The following MCTP1 variants were observed in gnomAD, a reference collection of about 807,000 sequenced individuals.
MCTP1 encodes the protein multiple C2 and transmembrane domain-containing protein 1.
MCTP1 carries 69 observed loss-of-function variants against 120.6 expected under a neutral mutation model. That is an observed-to-expected ratio of 0.57 (90% CI 0.47 to 0.70). The LOEUF is 0.70. Ranked by LOEUF, MCTP1 falls within the 30% of genes least tolerant of loss-of-function variation. The pLI is 0.00. For missense variants in MCTP1, 1,203 were observed against 1,248.8 expected (o/e 0.96, Z 0.55); for synonymous variants, 529 against 493.1 (o/e 1.07, Z -0.96).
chr5:95,081,273 T>C (rs1754863155), intron 1 of MCTP1, among the ~76,000 whole-genome samples: 1 of 152,224 alleles, frequency 6.6e-6, no homozygotes, highest in Admixed American at 6.5e-5. Context: ...AAGTAGGTTA[T>C]ACTGTAAATT....
rs192418164 is a variant in MCTP1, at chr5:94,783,096, C to G, written c.2557-3933G>C. 2.8e-3 allele frequency among the ~76,000 whole-genome samples: 426 copies of G among 152,040 alleles called. 1 individual carries two copies. The highest frequency in any genetic ancestry group is 4.7e-3 in the Non-Finnish European group (321 of 67,946). ...GTCACAGACTTATGTGCCACACAGTCGAGGAAGGTCTTGAAAGAAACTGAT... is the reference window on the plus strand; with the variant it reads ...GTCACAGACTTATGTGCCACACAGTGGAGGAAGGTCTTGAAAGAAACTGAT... On this transcript the variant is annotated intron_variant, in intron 18 of 22. Coordinates refer to ENST00000515393, the MANE Select transcript of MCTP1 (RefSeq NM_024717.7).
At chr5:94,895,373 TCTC>T (rs1245019486) in intron 10 of MCTP1, among the ~76,000 whole-genome samples, 1 of 152,112 alleles carries the variant, frequency 6.6e-6, no homozygotes, top group Admixed American at 6.6e-5. Flanking sequence ...AACATATAAA[TCTC>T]CTGAAAACAT....
At chr5:94,928,243 C>T (rs1176682223) in intron 6 of MCTP1, among the ~76,000 whole-genome samples, 6 of 148,236 alleles carry the variant, frequency 4.0e-5, no homozygotes, top group African/African-American at 1.2e-4. Flanking sequence ...CACACACACA[C>T]GATGTAATGT....
chr5:95,275,243 A>T (rs949092013), intron 1 of MCTP1, among the ~76,000 whole-genome samples: 13 of 152,246 alleles, frequency 8.5e-5, no homozygotes, highest in Non-Finnish European at 1.9e-4. Context: ...TGATGCTTTT[A>T]AAAATATATT....
chr5:95,086,564 G>A (rs1188568665), intron 1 of MCTP1, among the ~76,000 whole-genome samples: 1 of 152,166 alleles, frequency 6.6e-6, no homozygotes, highest in East Asian at 1.9e-4. Context: ...GAACCTGTGA[G>A]ATATAGTAAG....
chr5:94,892,984 T>A (rs1803021052), intron 11 of MCTP1, among the ~76,000 whole-genome samples: 1 of 152,168 alleles, frequency 6.6e-6, no homozygotes, highest in Non-Finnish European at 1.5e-5. Flanking sequence ...AGCAGGTATG[T>A]CTCTAGAGGG....
At chr5:95,190,229 G>A (rs1019035593) in intron 1 of MCTP1, among the ~76,000 whole-genome samples, 5 of 152,078 alleles carry the variant, frequency 3.3e-5, no homozygotes, top group South Asian at 2.1e-4. Context: ...AACTGCCATG[G>A]AAATTCTGAT....
intron 19 of MCTP1, among the ~76,000 whole-genome samples, chr5:94,730,914 AACACACTCCACACAC>A (rs34824415): frequency 0.76 from 113,589 of 149,974 alleles, 43,156 homozygotes; most frequent in Middle Eastern, 0.82. Flanking sequence ...CAAAGAAACA[AACACACTCCACACAC>A]ACACACTCCA....
At chr5:95,259,651 C>T (rs1462031991) in intron 1 of MCTP1, among the ~76,000 whole-genome samples, 1 of 152,138 alleles carries the variant, frequency 6.6e-6, no homozygotes, top group Non-Finnish European at 1.5e-5. Context: ...CTACGAGTGG[C>T]AATACCTGCC....
At chr5:94,863,919 GC>G (rs1401319968) in intron 17 of MCTP1, among the ~76,000 whole-genome samples, 1 of 151,584 alleles carries the variant, frequency 6.6e-6, no homozygotes, top group African/African-American at 2.4e-5. Context: ...TAATGGCCCA[GC>G]TTTCTGGGAG....
rs923224998 is a variant in MCTP1 at position 94,732,132 on chromosome 5, C to G, written c.2611-17246G>C. 3.9e-5 allele frequency among the ~76,000 whole-genome samples: 6 copies of G among 152,090 alleles called. No individual in the cohort carries two copies. The South Asian group carries it at 1.2e-3, about 32-fold the overall frequency. ...TAAGAAATATTAAAAGACAGTATTGCTACATTCCACAAAGGATTCATTGAC... is the reference window on the plus strand; with the variant it reads ...TAAGAAATATTAAAAGACAGTATTGGTACATTCCACAAAGGATTCATTGAC... On this transcript the variant is annotated intron_variant, in intron 19 of 22. Coordinates refer to ENST00000515393, the MANE Select transcript of MCTP1 (RefSeq NM_024717.7).
chr5:94,947,418 A>T (rs1819227656), intron 3 of MCTP1, among the ~76,000 whole-genome samples: 1 of 151,590 alleles, frequency 6.6e-6, no homozygotes, highest in Non-Finnish European at 1.5e-5. Flanking sequence ...TTTCTATTGC[A>T]TTCCTTACAT....
chr5:94,995,674 C>T (rs1029533073), intron 2 of MCTP1, among the ~76,000 whole-genome samples: 3 of 152,146 alleles, frequency 2.0e-5, no homozygotes, highest in Admixed American at 1.3e-4. Flanking sequence ...CTTTGCTTTC[C>T]TCCCAAGGGA....
At chr5:94,761,392 A>C (rs1179937558) in intron 19 of MCTP1, among the ~76,000 whole-genome samples, 1 of 152,252 alleles carries the variant, frequency 6.6e-6, no homozygotes, top group Non-Finnish European at 1.5e-5. Context: ...AGCAAGATAA[A>C]AGAGTAATTA....
chr5:94,829,097 G>A (rs1417723848), intron 17 of MCTP1, among the ~76,000 whole-genome samples: 2 of 152,228 alleles, frequency 1.3e-5, no homozygotes, highest in East Asian at 1.9e-4. Context: ...CCCTGGCGGT[G>A]TAGGCACCTG....
chr5:94,982,305 G>A (rs1308038272), intron 2 of MCTP1, among the ~76,000 whole-genome samples: 4 of 151,946 alleles, frequency 2.6e-5, no homozygotes, highest in Non-Finnish European at 5.9e-5. Context: ...ATGTTATCTT[G>A]TTTATCTTGG....
chr5:94,872,588 A>C (rs1258786375), intron 13 of MCTP1, among the ~76,000 whole-genome samples: 1 of 152,128 alleles, frequency 6.6e-6, no homozygotes, highest in Non-Finnish European at 1.5e-5. Context: ...ACTATAGTGT[A>C]GCATTGGCAG....
At chr5:95,106,499 TATCTCTGG>T (rs1166963368) in intron 1 of MCTP1, among the ~76,000 whole-genome samples, 1 of 152,252 alleles carries the variant, frequency 6.6e-6, no homozygotes, top group African/African-American at 2.4e-5. Flanking sequence ...AAGCCATGTT[TATCTCTGG>T]AATATCTCAG....
At chr5:95,087,052 G>A (rs1416580953) in intron 1 of MCTP1, among the ~76,000 whole-genome samples, 1 of 152,166 alleles carries the variant, frequency 6.6e-6, no homozygotes, top group Non-Finnish European at 1.5e-5. Context: ...CTTCAGCCAG[G>A]AGGACGAAAG....
Sources: allele counts gnomAD v4.1 joint callset (sites outside exome capture counted in the v4.1 genomes callset), GRCh38; gene constraint gnomAD v4.1.1; transcripts MANE v1.5; gene names NCBI Gene and HGNC (gene_info 2026-07-23, HGNC 2026-07-21).